TPM1: variants seen among roughly 807,000 people sequenced by gnomAD.
TPM1 encodes tropomyosin 1.
TPM1 carries 24 observed loss-of-function variants against 42.9 expected under a neutral mutation model. The ratio of observed to expected loss-of-function variants is 0.56; its 90% CI spans 0.41 to 0.79. TPM1 has a LOEUF of 0.79. Ranked by LOEUF, TPM1 falls within the 30% of genes least tolerant of loss-of-function variation. The probability of loss-of-function intolerance (pLI) is 0.00; values close to 1 mark genes in which losing one functional copy is unlikely to be tolerated. For synonymous variants in TPM1, 136 were observed against 130.1 expected (o/e 1.05, Z -0.31); for missense variants, 158 against 351.8 (o/e 0.45, Z 4.41).
intron 5 of TPM1, 186 bp downstream of exon 5, chr15:63,061,125 G>T (rs1007469655): frequency 1.5e-5 from 23 of 1,502,608 alleles, no homozygotes; most frequent in Non-Finnish European, 1.9e-5. Context: ...GTATGAATGC[G>T]TGTATCACTG....
chr15:63,050,452 T>C (rs2033622881), intron 2 of TPM1, among the ~76,000 whole-genome samples: 1 of 152,230 alleles, frequency 6.6e-6, no homozygotes, highest in Non-Finnish European at 1.5e-5. Flanking sequence ...TATTGGCTCC[T>C]GGCCTAGTGA....
At chr15:63,054,686 T>C (rs1044563186) in intron 2 of TPM1, 1 of 152,260 alleles carries the variant, frequency 6.6e-6, no homozygotes, top group Non-Finnish European at 1.5e-5. Context: ...ATTTCTCTAA[T>C]AGGCCATAGC....
Position 63,061,328 on chromosome 15 carries a change from C to T in TPM1, c.564-385C>T, listed in dbSNP as rs372691791. On this transcript the variant is annotated intron_variant, in intron 5 of 9. Coordinates refer to ENST00000403994, the MANE Select transcript of TPM1 (RefSeq NM_001018005.2). ...TAACTGCAACCCAGACATCTTTCAGCTTCCAATGCCTCCTGGTTCGTTTGG... is the reference window on the plus strand; with the variant it reads ...TAACTGCAACCCAGACATCTTTCAGTTTCCAATGCCTCCTGGTTCGTTTGG... The T allele has an allele frequency of 2.9e-4, 448 of 1,539,440 alleles. 1 individual carries two copies. The highest frequency in any genetic ancestry group is 3.7e-4 in the Non-Finnish European group (409 of 1,112,816).
chr15:63,071,059 T>C (rs755592993), downstream of TPM1: 1 of 1,613,560 alleles, frequency 6.2e-7, no homozygotes, highest in South Asian at 1.1e-5. Context: ...AGCACAGCTA[T>C]TCATGACTTA....
At chr15:63,062,546 C>A (rs1259756002) in intron 7 of TPM1, 30 bp from the exon 8 acceptor site, 2 of 1,613,438 alleles carry the variant, frequency 1.2e-6, no homozygotes, top group Admixed American at 1.7e-5. Flanking sequence ...CATAAAACTT[C>A]CCAACTTTAA....
At position 63,066,177 on chromosome 15, in the gene TPM1, T is replaced by A. The variant is rs367617391; in HGVS notation, c.*278T>A. The A allele has an allele frequency of 3.5e-6, 5 of 1,432,998 alleles. No individual in the cohort carries two copies. The Admixed American group carries it at 1.5e-4, about 43-fold the overall frequency. 88.8% of individuals were successfully genotyped at this position (1,432,998 alleles called of 1,614,324 possible). A position where few individuals can be genotyped will look rare whatever the true frequency, so the allele number is the denominator to read the frequency against. On this transcript the variant is annotated 3_prime_UTR_variant, in exon 10 of 10. Transcript: ENST00000403994. ...TAAAACTACAAAGCTGCTTCACACA[T>A]ATGAGGGTTAGTGTTTGGCTGCTGC... is the stretch of plus-strand genomic sequence containing the variant.
intron 3 of TPM1, among the ~76,000 whole-genome samples, chr15:63,059,219 T>C (rs1161555151): frequency 6.6e-6 from 1 of 152,220 alleles, no homozygotes; most frequent in African/African-American, 2.4e-5. Context: ...GAAATCTCAT[T>C]ATCTTTTTAA....
downstream of TPM1, chr15:63,070,485 C>G (rs547990922): frequency 6.4e-5 from 64 of 995,166 alleles, no homozygotes; most frequent in Non-Finnish European, 2.6e-5. Context: ...TTTACTCAGT[C>G]TAATGGTGCT....
chr15:63,052,130 G>C (rs371520569), intron 2 of TPM1, among the ~76,000 whole-genome samples: 2 of 48,000 alleles, frequency 4.2e-5, no homozygotes, highest in Non-Finnish European at 8.6e-5. Context: ...TTTTTGAGTA[G>C]TTCATTGTTA....
chr15:63,069,830 T>G, downstream of TPM1: 1 of 1,613,602 alleles, frequency 6.2e-7, no homozygotes, highest in Non-Finnish European at 8.5e-7. Context: ...CTGTCTTCCT[T>G]CTGCCTCTTT....
chr15:63,062,771 G>A (rs2035823418), intron 8 of TPM1, 126 bp downstream of exon 8: 1 of 1,563,438 alleles, frequency 6.4e-7, no homozygotes, highest in Non-Finnish European at 8.6e-7. Context: ...CTTCCTGTGT[G>A]TCCTCTGGGG....
At chr15:63,063,160 G>A (rs2035877862) in intron 8 of TPM1, 2 of 984,856 alleles carry the variant, frequency 2.0e-6, no homozygotes, top group South Asian at 4.7e-5. Flanking sequence ...TCTTCCCTAA[G>A]GCACTTAGGT....
chr15:63,052,004 T>C (rs2033976373), intron 2 of TPM1, among the ~76,000 whole-genome samples: 1 of 151,496 alleles, frequency 6.6e-6, no homozygotes, highest in African/African-American at 2.4e-5. Flanking sequence ...ATGGGGTGCA[T>C]GCCCTTAGAG....
intron 3 of TPM1, among the ~76,000 whole-genome samples, chr15:63,059,006 C>T (rs544877827): frequency 6.6e-6 from 1 of 152,190 alleles, no homozygotes; most frequent in Admixed American, 6.5e-5. Flanking sequence ...TAAGAAATTG[C>T]CATTATTACT....
At chr15:63,052,633 T>G (rs540642336) in intron 2 of TPM1, among the ~76,000 whole-genome samples, 5 of 152,174 alleles carry the variant, frequency 3.3e-5, no homozygotes, top group Non-Finnish European at 5.9e-5. Flanking sequence ...GCCTTGTTAT[T>G]TATATCTCTG....
At chr15:63,048,887 C>G in intron 2 of TPM1, 3 of 774,466 alleles carry the variant, frequency 3.9e-6, no homozygotes, top group Non-Finnish European at 6.4e-6. Flanking sequence ...GGCCTGTTCT[C>G]CTGAGCCTTT....
At chr15:63,070,778 C>T, downstream of TPM1, 2 of 1,188,394 alleles carry the variant, frequency 1.7e-6, no homozygotes, top group Non-Finnish European at 2.1e-6. Flanking sequence ...TTGGTTTTTA[C>T]CTCTCCCTGT....
chr15:63,062,410 T>C (rs1031893059), intron 7 of TPM1, 133 bp downstream of exon 7: 8 of 1,254,168 alleles, frequency 6.4e-6, no homozygotes, highest in South Asian at 6.2e-5. Context: ...TTGGAGTTTA[T>C]GTACTGTGCT....
intron 2 of TPM1, chr15:63,049,447 A>G (rs1179508220): frequency 1.3e-5 from 2 of 152,254 alleles, no homozygotes; most frequent in Non-Finnish European, 2.9e-5. Context: ...CCCCTTGTTA[A>G]ATGTAATACC....
Sources: allele counts gnomAD v4.1 joint callset (sites outside exome capture counted in the v4.1 genomes callset), GRCh38; gene constraint gnomAD v4.1.1; transcripts MANE v1.5; gene names NCBI Gene and HGNC (gene_info 2026-07-23, HGNC 2026-07-21).